The following DNAAF9 variants were observed in gnomAD, a reference collection of about 807,000 sequenced individuals.
DNAAF9 encodes the protein dynein axonemal assembly factor 9, also known as shulin.
DNAAF9 carries 90 observed loss-of-function variants against 167.0 expected under a neutral mutation model. The observed-to-expected ratio is 0.54, with a 90% CI of 0.45 to 0.64. DNAAF9 has a LOEUF of 0.64. Ranked by LOEUF, DNAAF9 falls within the 30% of genes least tolerant of loss-of-function variation. DNAAF9 has a pLI of 0.00. For synonymous variants in DNAAF9, 491 were observed against 508.8 expected, an observed-to-expected ratio of 0.96 and a Z score of 0.47; for missense variants, 1,315 against 1,442.2, an observed-to-expected ratio of 0.91 and a Z score of 1.43.
chr20:3,356,691 T>C (rs1288589307), intron 7 of DNAAF9, among the ~76,000 whole-genome samples: 3 of 152,202 alleles, frequency 2.0e-5, no homozygotes, highest in South Asian at 2.1e-4. Flanking sequence ...CAGTCTGTTC[T>C]ATGTATGTCA....
At chr20:3,376,563 C>A (rs2083578194) in intron 3 of DNAAF9, among the ~76,000 whole-genome samples, 1 of 152,174 alleles carries the variant, frequency 6.6e-6, no homozygotes, top group African/African-American at 2.4e-5. Context: ...GAACATGTAC[C>A]CAAAATGGCT....
intron 25 of DNAAF9, 70 bp downstream of exon 25, chr20:3,294,069 A>G (rs931025546): frequency 6.8e-6 from 6 of 876,670 alleles, no homozygotes; most frequent in African/African-American, 6.6e-5. Flanking sequence ...AACTGACACA[A>G]AAGATTCAGG....
chr20:3,315,884 G>T lies in DNAAF9; in HGVS notation c.1540-99C>A. ...TCAAATATTTCCAGGACACTGGCTGGACAGTCCTTCCACCATGTCCATGTC... is the reference window on the plus strand; with the variant it reads ...TCAAATATTTCCAGGACACTGGCTGTACAGTCCTTCCACCATGTCCATGTC... On this transcript the variant is annotated intron_variant, in intron 18 of 36. Transcript: ENST00000252032. This position sits in a 1 kb window ranked among gnomAD's most constrained non-coding sequence, Gnocchi z 4.1. 2.2e-6 allele frequency: 2 copies of T among 915,008 alleles called. No individual in the cohort carries two copies. The highest frequency in any genetic ancestry group is 2.4e-5 in the East Asian group (1 of 41,500). The allele number at this position is 915,008 out of a possible 1,614,324, so 56.7% of individuals were successfully genotyped here.
intron 3 of DNAAF9, 81 bp downstream of exon 3, chr20:3,381,298 A>G (rs917800646): frequency 2.5e-6 from 3 of 1,189,460 alleles, no homozygotes; most frequent in Admixed American, 2.5e-5. Context: ...ATTTTATTCC[A>G]TAAGAAGACC....
chr20:3,253,989 C>T (rs970424780), intron 35 of DNAAF9, among the ~76,000 whole-genome samples, 170 bp from the exon 36 acceptor site: 3 of 152,208 alleles, frequency 2.0e-5, no homozygotes, highest in Non-Finnish European at 2.9e-5. Context: ...GGTGGTTCCC[C>T]ACCTCTCAGG....
intron 25 of DNAAF9, among the ~76,000 whole-genome samples, chr20:3,292,927 A>C (rs1232854404): frequency 6.6e-6 from 1 of 152,106 alleles, no homozygotes; most frequent in African/African-American, 2.4e-5. Flanking sequence ...TCTATTAAAA[A>C]TACAAAAAAT....
At chr20:3,400,382 A>AATTC (rs2083966159) in intron 1 of DNAAF9, among the ~76,000 whole-genome samples, 1 of 152,104 alleles carries the variant, frequency 6.6e-6, no homozygotes, top group Non-Finnish European at 1.5e-5. Context: ...CTATTATACC[A>AATTC]ATATTAATCT....
chr20:3,350,132 GACACACAGACACACAGACACACAGACAC>G (rs1338336943), intron 7 of DNAAF9, among the ~76,000 whole-genome samples: 12 of 137,652 alleles, frequency 8.7e-5, no homozygotes, highest in African/African-American at 1.4e-4. Context: ...CAGACACACA[GACACACAGACACACAGACACACAGACAC>G]ACACACACAC....
At chr20:3,289,727 G>T (rs902683353) in intron 26 of DNAAF9, among the ~76,000 whole-genome samples, 18 of 151,918 alleles carry the variant, frequency 1.2e-4, no homozygotes, top group African/African-American at 4.4e-4. Context: ...GTCAAGGCTG[G>T]TCTCAAATTC....
Position 3,324,805 on chromosome 20 carries a change from G to A in DNAAF9, c.1265+87C>T, listed in dbSNP as rs1459679186. The A allele has an allele frequency of 6.9e-6, 5 of 723,586 alleles. No homozygotes were observed. The Admixed American group carries it at 8.8e-5, about 13-fold the overall frequency. The allele number at this position is 723,586 out of a possible 1,614,324, so 44.8% of individuals were successfully genotyped here. ...TTTTACTGAAACATTTCTCAAAGGGGAGATGAAATCTAAATTATAAGGGAA... is the reference window on the plus strand; with the variant it reads ...TTTTACTGAAACATTTCTCAAAGGGAAGATGAAATCTAAATTATAAGGGAA... On this transcript the variant is annotated intron_variant, in intron 14 of 36. Coordinates refer to ENST00000252032, the MANE Select transcript of DNAAF9 (RefSeq NM_001009984.3).
intron 7 of DNAAF9, among the ~76,000 whole-genome samples, chr20:3,353,875 A>G (rs1181448049): frequency 2.0e-5 from 3 of 152,102 alleles, no homozygotes; most frequent in African/African-American, 7.2e-5. Flanking sequence ...GCACTTTGTT[A>G]CCCAAAAAAC....
Position 3,250,723 on chromosome 20 carries a change from A to C in DNAAF9, c.*1849T>G, listed in dbSNP as rs2068182856. ...AGCAGCCAGACTGCCAGGCCAGTGC[A>C]GTCAGGAAATGGCTCAAGCTCCTAA... On this transcript the variant is annotated 3_prime_UTR_variant, in exon 37 of 37. Transcript: ENST00000252032. The C allele has an allele frequency of 6.6e-6, 1 of 152,230 alleles. No homozygotes were observed. Among genetic ancestry groups the C allele is most frequent in the African/African-American group, 2.4e-5 (1 of 41,468 alleles). The allele number at this position is 152,230 out of a possible 1,614,324, so 9.4% of individuals were successfully genotyped here. A position where few individuals can be genotyped will look rare whatever the true frequency, so the allele number is the denominator to read the frequency against.
chr20:3,407,500 A>G lies in DNAAF9; in HGVS notation c.58T>C (p.Ser20Pro). 7.7e-7 allele frequency: 1 copy of G among 1,291,890 alleles called. No homozygotes were observed. The highest frequency in any genetic ancestry group is 9.8e-7 in the Non-Finnish European group (1 of 1,023,586). 80.0% of individuals were successfully genotyped at this position (1,291,890 alleles called of 1,614,324 possible). A position where few individuals can be genotyped will look rare whatever the true frequency, so the allele number is the denominator to read the frequency against. Residue 20 changes from serine (S) to proline (P), a missense_variant, in exon 1 of 37, where the codon TCC becomes CCC. Around this residue, in one of 2 missense-constraint regions of DNAAF9, gnomAD observed 981 missense variants for 1,012.5 expected, o/e 0.97. Coordinates refer to ENST00000252032, the MANE Select transcript of DNAAF9 (RefSeq NM_001009984.3). ...CTGACGGAGGGTGACCCGCGGCTGGAGCCGCCAGGGGACCGAGCGCGGGGC... is the reference window on the plus strand; with the variant it reads ...CTGACGGAGGGTGACCCGCGGCTGGGGCCGCCAGGGGACCGAGCGCGGGGC... ...GLPRARSPGGSSRGSPSVSCS... is the reference protein window; with the variant it reads ...GLPRARSPGGPSRGSPSVSCS...
intron 21 of DNAAF9, among the ~76,000 whole-genome samples, chr20:3,299,449 T>C (rs193115880): frequency 2.0e-5 from 3 of 152,180 alleles, no homozygotes; most frequent in East Asian, 3.9e-4. Context: ...TAGCTGGGAT[T>C]ACAGGCATCC....
At chr20:3,259,624 G>C in intron 32 of DNAAF9, 70 bp from the exon 33 acceptor site, 1 of 1,052,062 alleles carries the variant, frequency 9.5e-7, no homozygotes, top group Non-Finnish European at 1.5e-6. Flanking sequence ...AGCACAGCTG[G>C]GAGTTTTAGG....
In DNAAF9 at chr20:3,315,212, G is replaced by A; in HGVS notation, c.1591-92C>T. On this transcript the variant is annotated intron_variant, in intron 19 of 36. Coordinates refer to ENST00000252032, the MANE Select transcript of DNAAF9 (RefSeq NM_001009984.3). This position sits in a 1 kb window ranked among gnomAD's most constrained non-coding sequence, Gnocchi z 4.1. ...AGAATCAAAAGTCCTGCCCAATTAT[G>A]TCCGTCTACAAAAGCTGAGTCAGGC... is the stretch of plus-strand genomic sequence containing the variant. 1 of 819,156 alleles carries A rather than the reference G, an allele frequency of 1.2e-6. No homozygotes were observed. The highest frequency in any genetic ancestry group is 1.7e-5 in the African/African-American group (1 of 59,626). 50.7% of individuals were successfully genotyped at this position (819,156 alleles called of 1,614,324 possible).
At chr20:3,260,859 T>A (rs1166926999) in intron 31 of DNAAF9, among the ~76,000 whole-genome samples, 2 of 152,242 alleles carry the variant, frequency 1.3e-5, no homozygotes, top group East Asian at 3.9e-4. Flanking sequence ...CTCAAACTCC[T>A]GGCCTCAAGT....
chr20:3,339,624 G>C (rs1486618529), intron 10 of DNAAF9, among the ~76,000 whole-genome samples: 2 of 152,294 alleles, frequency 1.3e-5, no homozygotes, highest in East Asian at 1.9e-4. Context: ...TAAGGTAATG[G>C]GGGAGGGAAA....
intron 12 of DNAAF9, among the ~76,000 whole-genome samples, chr20:3,330,016 G>T (rs1391791352): frequency 6.6e-6 from 1 of 152,124 alleles, no homozygotes; most frequent in Non-Finnish European, 1.5e-5. Flanking sequence ...TTCTCCCAAT[G>T]GATTTCAGGA....
Sources: gnomAD v4.1 joint callset for allele counts (sites outside exome capture counted in the v4.1 genomes callset) on GRCh38, gnomAD v4.1.1 for gene constraint, gnomAD v4.1.1 regional missense constraint, Gnocchi (gnomAD v3.1) non-coding constraint, MANE v1.5 for transcripts, NCBI Gene and HGNC (gene_info 2026-07-23, HGNC 2026-07-21) for gene names.